Variants in KRT33B observed in about 807,000 individuals in gnomAD.
The protein encoded by KRT33B is keratin, type I cuticular Ha3-II.
In KRT33B, 37 loss-of-function variants were observed where a neutral mutation model predicts 42.7. That is an observed-to-expected ratio of 0.87 (90% confidence interval 0.67 to 1.14). KRT33B has a LOEUF of 1.14. KRT33B is among the 50% of genes most tolerant of loss of function. The probability of loss-of-function intolerance (pLI) is 0.00; values close to 1 mark genes in which losing one functional copy is unlikely to be tolerated. For missense variants in KRT33B, 523 were observed against 515.1 expected, an observed-to-expected ratio of 1.02 and a Z score of -0.15; for synonymous variants, 237 against 221.2, an observed-to-expected ratio of 1.07 and a Z score of -0.63.
Position 41,369,505 on chromosome 17 carries a change from C to T in KRT33B, c.246G>A (p.Ala82=), listed in dbSNP as rs201559637. The change falls in exon 1 of 7, where the codon GCG becomes GCA. Residue 82 remains alanine, a synonymous_variant. Coordinates refer to ENST00000251646, the MANE Select transcript of KRT33B (RefSeq NM_002279.5). ...GCTCCCGGATGAGGTTCTCCAGCTC[C>T]GCGTTGTCCCGCTCCAGCTGACGCA... The part of the protein sequence containing the change: ...EKVRQLERDN[A]ELENLIRERS... 9 of 1,613,986 alleles carry T rather than the reference C, an allele frequency of 5.6e-6. No individual in the cohort carries two copies. Among genetic ancestry groups the T allele is most frequent in the East Asian group, 2.2e-5 (1 of 44,888 alleles).
rs1051216444 is a variant in KRT33B at position 41,364,242 on chromosome 17, A to C, written c.1098-289T>G. 2.6e-5 allele frequency among the ~76,000 whole-genome samples: 4 copies of C among 151,294 alleles called. 1 individual carries two copies. The highest frequency in any genetic ancestry group is 9.9e-5 in the African/African-American group (4 of 40,588). ...CTGTAAGGTAGGACTGGTAGTACCA[A>C]CCACACAGGATTATGAAAATTCCAC... is the stretch of plus-strand genomic sequence containing the variant. On this transcript the variant is annotated intron_variant, in intron 6 of 6. Coordinates refer to ENST00000251646, the MANE Select transcript of KRT33B (RefSeq NM_002279.5).
intron 2 of KRT33B, 141 bp from the exon 3 acceptor site, chr17:41,366,767 A>C: frequency 1.2e-6 from 1 of 820,470 alleles, no homozygotes; most frequent in Non-Finnish European, 1.8e-6. Flanking sequence ...ATACTCCTGT[A>C]CTGAGTGAGA....
chr17:41,367,865 C>A lies in KRT33B; in HGVS notation c.431+43G>T, dbSNP rs370729051. The A allele has an allele frequency of 4.5e-6, 7 of 1,556,714 alleles. No individual in the cohort carries two copies. In the South Asian group the frequency reaches 6.7e-5, roughly 15 times the overall value. On this transcript the variant is annotated intron_variant, in intron 2 of 6. Coordinates refer to ENST00000251646, the MANE Select transcript of KRT33B (RefSeq NM_002279.5). ...GGGAGCTCATCACTTTGTAATTCAG[C>A]CTGTCCGTTACTAGACTGCTCTGAT...
Position 41,364,950 on chromosome 17 carries a change from G to A in KRT33B, c.926C>T (p.Ser309Phe), listed in dbSNP as rs755963947. The A allele has an allele frequency of 1.4e-5, 22 of 1,613,422 alleles. No homozygotes were observed. In the South Asian group the frequency reaches 1.9e-4, roughly 14 times the overall value. Residue 309 changes from serine (S) to phenylalanine (F), a missense_variant, in exon 6 of 7, where the codon TCC (serine) becomes TTC (phenylalanine). Physicochemically the swap from Ser to Phe is radical, Grantham distance 155. Coordinates refer to ENST00000251646, the MANE Select transcript of KRT33B (RefSeq NM_002279.5). Reference sequence around the variant, plus strand: ...CAGGCTCTGCACCTGGGACAGCTGGGAGCTGTAGCGGGCCTCGCTCTCTGT... The same window carrying A: ...CAGGCTCTGCACCTGGGACAGCTGGAAGCTGTAGCGGGCCTCGCTCTCTGT... ...TLTESEARYS[S>F]QLSQVQSLIT...
rs1305871546 is a variant in KRT33B, at chr17:41,364,604, TC to T, written c.1097+174del. On this transcript the variant is annotated intron_variant, in intron 6 of 6. Coordinates refer to ENST00000251646, the MANE Select transcript of KRT33B (RefSeq NM_002279.5). ...TGACTATCTTTTGTAAAAGAAAGTA[TC>T]TTTAGCCCAGATAATGTTAGCAACA... Among the ~76,000 whole-genome samples, 6 of 151,604 alleles carry T rather than the reference TC, an allele frequency of 4.0e-5. No individual in the cohort carries two copies. In the East Asian group the frequency reaches 1.2e-3, roughly 29 times the overall value.
intron 2 of KRT33B, 121 bp from the exon 3 acceptor site, chr17:41,366,747 A>G (rs1054771264): frequency 2.8e-6 from 3 of 1,054,432 alleles, no homozygotes; most frequent in Admixed American, 2.9e-5. Context: ...TTAAAAAATT[A>G]AGGGAGAAAA....
intron 2 of KRT33B, among the ~76,000 whole-genome samples, chr17:41,367,177 C>T (rs2017711493): frequency 6.6e-6 from 1 of 151,180 alleles, no homozygotes; most frequent in African/African-American, 2.5e-5. Context: ...ATGTAAGATC[C>T]CAGGAAAATG....
At chr17:41,366,657 C>CAA in intron 2 of KRT33B, 31 bp from the exon 3 acceptor site, 1 of 1,520,282 alleles carries the variant, frequency 6.6e-7, no homozygotes, top group East Asian at 2.4e-5. Flanking sequence ...CAAAAGAGGT[C>CAA]CAAAAAAAAA....
At chr17:41,369,374 A>T in intron 1 of KRT33B, 29 bp downstream of exon 1, 2 of 1,610,294 alleles carry the variant, frequency 1.2e-6, no homozygotes, top group African/African-American at 2.7e-5. Context: ...TAGTTCATTA[A>T]GCTGGCAGTG....
At chr17:41,368,970 G>A (rs1386294961) in intron 1 of KRT33B, among the ~76,000 whole-genome samples, 1 of 151,366 alleles carries the variant, frequency 6.6e-6, no homozygotes, top group Non-Finnish European at 1.5e-5. Flanking sequence ...CAGCTCTCTT[G>A]TGTTGCCATA....
Position 41,365,397 on chromosome 17 carries a change from T to C in KRT33B, c.745A>G (p.Thr249Ala). Reference protein sequence around the residue: ...NRREVEQWFATQTEELNKQVV... With the variant: ...NRREVEQWFAAQTEELNKQVV... ...CCACGTGCTTAGATGCCCACCTGCG[T>C]GGCGAACCATTGCTCCACTTCCCTG... is the stretch of plus-strand genomic sequence containing the variant. The change falls in exon 4 of 7, where the codon ACG becomes GCG. Residue 249 changes from threonine to alanine, a missense_variant. Transcript: ENST00000251646. 1.9e-6 allele frequency: 3 copies of C among 1,611,072 alleles called. No individual in the cohort carries two copies. The highest frequency in any genetic ancestry group is 2.5e-6 in the Non-Finnish European group (3 of 1,178,936).
At chr17:41,368,791 C>T (rs2017736209) in intron 1 of KRT33B, among the ~76,000 whole-genome samples, 1 of 151,252 alleles carries the variant, frequency 6.6e-6, no homozygotes, top group Admixed American at 6.6e-5. Flanking sequence ...TCAGACATTG[C>T]CTCTTCTGGG....
chr17:41,368,021 A>G (rs2017723396), intron 1 of KRT33B, 31 bp from the exon 2 acceptor site: 3 of 1,594,730 alleles, frequency 1.9e-6, no homozygotes, highest in Non-Finnish European at 1.7e-6. Context: ...GAAATGGGTT[A>G]TACTAAGAAA....
At chr17:41,366,175 C>T (rs535609756) in intron 3 of KRT33B, among the ~76,000 whole-genome samples, 1 of 151,178 alleles carries the variant, frequency 6.6e-6, no homozygotes, top group African/African-American at 2.5e-5. Context: ...ACCTACCTGG[C>T]ACCTCTTCAG....
At position 41,366,608 on chromosome 17, in the gene KRT33B, G is replaced by A. The variant is rs762589441; in HGVS notation, c.450C>T (p.Ser150=). The A allele has an allele frequency of 6.2e-7, 1 of 1,611,362 alleles. No homozygotes were observed. Among genetic ancestry groups the A allele is most frequent in the Admixed American group, 1.7e-5 (1 of 59,786 alleles). The change falls in exon 3 of 7, where the codon TCC becomes TCT. Residue 150 remains serine (S), a synonymous_variant. Coordinates refer to ENST00000251646, the MANE Select transcript of KRT33B (RefSeq NM_002279.5). ...TGTCGGACTCCACCAGCTGCCGCAG[G>A]GACTGCTCCGTCTGGTACCTGCACA... is the stretch of plus-strand genomic sequence containing the variant. ...DFRTKYQTEQ[S]LRQLVESDIN...
intron 6 of KRT33B, among the ~76,000 whole-genome samples, chr17:41,364,578 A>G (rs1297565946): frequency 1.3e-5 from 2 of 151,536 alleles, no homozygotes; most frequent in Non-Finnish European, 2.9e-5. Flanking sequence ...GTCAAGTCCC[A>G]TGACTATCTT....
chr17:41,368,038 G>A (rs1420982608), intron 1 of KRT33B, 48 bp from the exon 2 acceptor site: 1 of 1,550,554 alleles, frequency 6.4e-7, no homozygotes, highest in Non-Finnish European at 8.9e-7. Context: ...GAAATGCCTT[G>A]TGCCTTAAAG....
chr17:41,366,654 G>C, intron 2 of KRT33B, 28 bp from the exon 3 acceptor site: 1 of 1,528,880 alleles, frequency 6.5e-7, no homozygotes, highest in Non-Finnish European at 8.8e-7. Flanking sequence ...GGTCAAAAGA[G>C]GTCCAAAAAA....
At position 41,369,467 on chromosome 17, in the gene KRT33B, T is replaced by C; in HGVS notation, c.284A>G (p.Gln95Arg). Residue 95 changes from glutamine to arginine, a missense_variant, in exon 1 of 7, where the codon CAG becomes CGG. Transcript: ENST00000251646. ...GTAGCTGGGGCACAGCAAGGGCTCC[T>C]GCTGCTGAGACCGCTCCCGGATGAG... ...ENLIRERSQQ[Q>R]EPLLCPSYQS... 6.2e-7 allele frequency: 1 copy of C among 1,613,694 alleles called. No individual in the cohort carries two copies. The highest frequency in any genetic ancestry group is 8.5e-7 in the Non-Finnish European group (1 of 1,180,048).
Sources: allele counts gnomAD v4.1 joint callset (sites outside exome capture counted in the v4.1 genomes callset), GRCh38; gene constraint gnomAD v4.1.1; transcripts MANE v1.5; gene names NCBI Gene and HGNC (gene_info 2026-07-23, HGNC 2026-07-21).